The following NEURL1 variants were observed in gnomAD, a reference collection of about 807,000 sequenced individuals.
The protein encoded by NEURL1 is neuralized E3 ubiquitin protein ligase 1, also known as E3 ubiquitin-protein ligase NEURL1.
Under a neutral mutation model 41.2 loss-of-function variants are expected in NEURL1, and 26 were observed. The ratio of observed to expected loss-of-function variants is 0.63; its 90% CI spans 0.46 to 0.87. NEURL1 has a LOEUF of 0.87. NEURL1 is among the 40% of genes least tolerant of loss of function. The pLI is 0.00. For synonymous variants in NEURL1, 400 were observed against 402.3 expected, an observed-to-expected ratio of 0.99 and a Z score of 0.07; for missense variants, 761 against 871.1, an observed-to-expected ratio of 0.87 and a Z score of 1.59.
In NEURL1 at chr10:103,584,745, C is replaced by T. The variant is rs1428062735; in HGVS notation, c.859C>T (p.Pro287Ser). Residue 287 changes from proline (P) to serine (S), a missense_variant, in exon 4 of 6, where the codon CCG becomes TCG. Around this residue, in one of 5 missense-constraint regions of NEURL1, gnomAD observed 443 missense variants for 408.1 expected, o/e 1.09. Coordinates refer to ENST00000369780, the MANE Select transcript of NEURL1 (RefSeq NM_004210.5). Reference sequence around the variant, plus strand: ...CAACTCGCAGCACAGCCGCGCGCTGCCGGCGCAGCTCGACGGCGACCTGCG... The same window carrying T: ...CAACTCGCAGCACAGCCGCGCGCTGTCGGCGCAGCTCGACGGCGACCTGCG... ...SLNSQHSRAL[P>S]AQLDGDLRFH... is the part of the protein sequence containing the mutation. The T allele has an allele frequency of 1.4e-6, 2 of 1,462,944 alleles. No individual in the cohort carries two copies. The highest frequency in any genetic ancestry group is 2.6e-5 in the South Asian group (2 of 75,822). The allele number at this position is 1,462,944 out of a possible 1,614,324, so 90.6% of individuals were successfully genotyped here.
intron 1 of NEURL1, among the ~76,000 whole-genome samples, chr10:103,498,699 A>C (rs1179817887): frequency 6.6e-6 from 1 of 152,124 alleles, no homozygotes; most frequent in African/African-American, 2.4e-5. Flanking sequence ...CACTCCTGTT[A>C]CCCTCTCCCC....
intron 1 of NEURL1, among the ~76,000 whole-genome samples, chr10:103,510,317 A>G (rs1168257260): frequency 6.6e-6 from 1 of 152,140 alleles, no homozygotes; most frequent in African/African-American, 2.4e-5. Flanking sequence ...GTAGACACCC[A>G]CGGCCACTGC....
chr10:103,521,293 T>C (rs1379214978), intron 1 of NEURL1, among the ~76,000 whole-genome samples: 2 of 152,168 alleles, frequency 1.3e-5, no homozygotes, highest in Admixed American at 6.5e-5. Context: ...AGGAATTATG[T>C]CTGACAGAAG....
At chr10:103,565,583 G>A (rs2035405942) in intron 1 of NEURL1, among the ~76,000 whole-genome samples, 1 of 152,232 alleles carries the variant, frequency 6.6e-6, no homozygotes, top group Admixed American at 6.5e-5. Flanking sequence ...CCGTGGTGGT[G>A]AGAAAGTGCA....
At chr10:103,557,407 G>A (rs1012768488) in intron 1 of NEURL1, among the ~76,000 whole-genome samples, 1 of 152,130 alleles carries the variant, frequency 6.6e-6, no homozygotes, top group African/African-American at 2.4e-5. Context: ...ATTTCCCTGG[G>A]GGCAGGAGGA....
chr10:103,583,409 A>G (rs2035824968), intron 3 of NEURL1, among the ~76,000 whole-genome samples: 2 of 152,088 alleles, frequency 1.3e-5, no homozygotes, highest in African/African-American at 4.8e-5. Context: ...AGCATGACTC[A>G]ATTTTTGCAC....
Position 103,556,476 on chromosome 10 carries a change from G to A in NEURL1, c.86-14396G>A, listed in dbSNP as rs1385109157. On this transcript the variant is annotated intron_variant, in intron 1 of 5. Transcript: ENST00000369780. This position sits in a 1 kb window ranked among gnomAD's most constrained non-coding sequence, Gnocchi z 4.4. ...TCTGCCGAGTCCAGTGGGCACTGAG[G>A]AGCCTGGGAGAGGCTCAGGAAGGAA... Among the ~76,000 whole-genome samples, 1 of 152,148 alleles carries A rather than the reference G, an allele frequency of 6.6e-6. No homozygotes were observed. Among genetic ancestry groups the A allele is most frequent in the African/African-American group, 2.4e-5 (1 of 41,436 alleles).
Position 103,584,866 on chromosome 10 carries a change from T to A in NEURL1, c.980T>A (p.Phe327Tyr). ...EHGRDERALVFTSRPVRVAET... is the reference protein window; with the variant it reads ...EHGRDERALVYTSRPVRVAET... ...GGGCGCGACGAGCGCGCGCTCGTCT[T>A]CACCAGCCGGCCCGTGCGCGTGGCC... Residue 327 changes from phenylalanine to tyrosine, a missense_variant, in exon 4 of 6, where the codon TTC (phenylalanine) becomes TAC (tyrosine). This residue lies in a region of NEURL1 where 443 missense variants were observed against 408.1 expected (regional missense o/e 1.09). Transcript: ENST00000369780. The A allele has an allele frequency of 7.1e-7, 1 of 1,400,106 alleles. No homozygotes were observed. The highest frequency in any genetic ancestry group is 1.5e-5 in the South Asian group (1 of 67,922). 86.7% of individuals were successfully genotyped at this position (1,400,106 alleles called of 1,614,324 possible).
In NEURL1 at chr10:103,570,907, C is replaced by T. The variant is rs770431545; in HGVS notation, c.121C>T (p.Arg41Ter). 4 of 1,613,652 alleles carry T rather than the reference C, an allele frequency of 2.5e-6. No individual in the cohort carries two copies. Among genetic ancestry groups the T allele is most frequent in the East Asian group, 2.2e-5 (1 of 44,888 alleles). Reference sequence around the variant, plus strand: ...GGGCCCCTTCCCCGTCACTTCTCACCGATGCCACCACAAGCAGAAGCACTG... The same window carrying T: ...GGGCCCCTTCCCCGTCACTTCTCACTGATGCCACCACAAGCAGAAGCACTG... ...IGGPFPVTSH[R>*]CHHKQKHCPA... The change falls in exon 2 of 6, where the codon CGA becomes TGA. Residue 41 changes from arginine to a stop codon, truncating the protein, a stop_gained. Coordinates refer to ENST00000369780, the MANE Select transcript of NEURL1 (RefSeq NM_004210.5). LOFTEE classifies it high-confidence loss of function.
In NEURL1 at chr10:103,585,152, G is replaced by A. The variant is rs781047961; in HGVS notation, c.1266G>A (p.Leu422=). The part of the protein sequence containing the change: ...SHNGAAAGMQ[L]CVDASQPLWM... ...ATGGCGCGGCCGCCGGCATGCAGCT[G>A]TGCGTGGACGCCTCGCAGCCGCTTT... The change falls in exon 4 of 6, where the codon CTG becomes CTA. Residue 422 remains leucine (L), a synonymous_variant. Transcript: ENST00000369780. 7 of 1,590,680 alleles carry A rather than the reference G, an allele frequency of 4.4e-6. No homozygotes were observed.
intron 1 of NEURL1, among the ~76,000 whole-genome samples, chr10:103,552,586 C>G (rs2035052562): frequency 6.6e-6 from 1 of 152,174 alleles, no homozygotes; most frequent in African/African-American, 2.4e-5. Flanking sequence ...CCCTTTTTCT[C>G]AGGTTGTGAT....
In NEURL1 at chr10:103,566,134, G is replaced by C. The variant is rs2035419061; in HGVS notation, c.86-4738G>C. Among the ~76,000 whole-genome samples, 1 of 151,494 alleles carries C rather than the reference G, an allele frequency of 6.6e-6. No homozygotes were observed. Among genetic ancestry groups the C allele is most frequent in the East Asian group, 1.9e-4 (1 of 5,166 alleles). Reference sequence around the variant, plus strand: ...AGACAGAATCATGCTCTGTCACCCAGGCTGAAGTGCAGTGGTGCTATCATA... The same window carrying C: ...AGACAGAATCATGCTCTGTCACCCACGCTGAAGTGCAGTGGTGCTATCATA... On this transcript the variant is annotated intron_variant, in intron 1 of 5. Coordinates refer to ENST00000369780, the MANE Select transcript of NEURL1 (RefSeq NM_004210.5). This position sits in a 1 kb window ranked among gnomAD's most constrained non-coding sequence, Gnocchi z 4.2.
At chr10:103,503,010 G>C (rs758591521) in intron 1 of NEURL1, among the ~76,000 whole-genome samples, 9 of 152,242 alleles carry the variant, frequency 5.9e-5, no homozygotes, top group African/African-American at 9.6e-5. Context: ...CATCAGGCTC[G>C]GTGGCACAGG....
intron 1 of NEURL1, among the ~76,000 whole-genome samples, chr10:103,511,423 G>A (rs1159566414): frequency 1.3e-5 from 2 of 152,200 alleles, no homozygotes; most frequent in African/African-American, 4.8e-5. Context: ...TTCTCCAGCA[G>A]CATCTGAGGG....
At chr10:103,585,832 C>CAAAA (rs764619225) in intron 4 of NEURL1, among the ~76,000 whole-genome samples, 2 of 91,502 alleles carry the variant, frequency 2.2e-5, no homozygotes, top group African/African-American at 7.8e-5. Context: ...GACTCCGTCT[C>CAAAA]AAAAAAAAAA....
At chr10:103,528,263 G>C (rs1287855448) in intron 1 of NEURL1, among the ~76,000 whole-genome samples, 1 of 152,200 alleles carries the variant, frequency 6.6e-6, no homozygotes, top group African/African-American at 2.4e-5. Context: ...GCTGAGGCAG[G>C]AGAATCACCT....
Position 103,584,617 on chromosome 10 carries a change from A to G in NEURL1, c.731A>G (p.Asp244Gly), listed in dbSNP as rs2133884850. 2.1e-6 allele frequency: 3 copies of G among 1,412,736 alleles called. No individual in the cohort carries two copies. Among genetic ancestry groups the G allele is most frequent in the South Asian group, 1.5e-5 (1 of 67,322 alleles). The allele number at this position is 1,412,736 out of a possible 1,614,324, so 87.5% of individuals were successfully genotyped here. ...CGGCCGTCGCTGCGGCGCGAGGCGG[A>G]CGACGCGCGCCTCTCGGTGAGCCTA... ...LRRPSLRREA[D>G]DARLSVSLCD... Residue 244 changes from aspartate (D) to glycine (G), a missense_variant, in exon 4 of 6, where the codon GAC becomes GGC. Physicochemically the swap from Asp to Gly is moderately conservative, Grantham distance 94. This residue lies in a region of NEURL1 where 114 missense variants were observed against 144.8 expected (regional missense o/e 0.79). Coordinates refer to ENST00000369780, the MANE Select transcript of NEURL1 (RefSeq NM_004210.5).
chr10:103,536,135 T>TG (rs1564813726), intron 1 of NEURL1, among the ~76,000 whole-genome samples: 1 of 151,980 alleles, frequency 6.6e-6, no homozygotes, highest in African/African-American at 2.4e-5. Context: ...CTGATCCTGG[T>TG]GGGGGGATGG....
At chr10:103,561,362 A>G (rs993679584) in intron 1 of NEURL1, among the ~76,000 whole-genome samples, 1 of 151,954 alleles carries the variant, frequency 6.6e-6, no homozygotes, top group African/African-American at 2.4e-5. Context: ...CCTGGATTCA[A>G]GCAATTCTCC....
Sources: gnomAD v4.1 joint callset for allele counts (sites outside exome capture counted in the v4.1 genomes callset) on GRCh38, gnomAD v4.1.1 for gene constraint, gnomAD v4.1.1 regional missense constraint, Gnocchi (gnomAD v3.1) non-coding constraint, MANE v1.5 for transcripts, NCBI Gene and HGNC (gene_info 2026-07-23, HGNC 2026-07-21) for gene names.